The following ZNF41 variants were observed in gnomAD, a reference collection of about 807,000 sequenced individuals.
ZNF41 encodes the protein zinc finger protein 41.
Under a neutral mutation model 9.3 loss-of-function variants are expected in ZNF41, and 6 were observed. The ratio of observed to expected loss-of-function variants is 0.65; its 90% CI spans 0.35 to 1.28. The LOEUF (loss-of-function observed/expected upper bound fraction) is 1.28, where lower values mean the gene tolerates loss of function less well. ZNF41 is among the 50% of genes most tolerant of loss of function. The probability of loss-of-function intolerance (pLI) is 0.03; values close to 1 mark genes in which losing one functional copy is unlikely to be tolerated. For synonymous variants in ZNF41, 192 were observed against 207.1 expected, an observed-to-expected ratio of 0.93 and a Z score of 0.63; for missense variants, 523 against 585.8, an observed-to-expected ratio of 0.89 and a Z score of 1.11.
At chrX:47,482,458 C>A (rs1181475080) in intron 1 of ZNF41, 1 of 112,678 alleles carries the variant, frequency 8.9e-6, no homozygotes, top group Non-Finnish European at 1.9e-5. Flanking sequence ...GTTAAACTCA[C>A]TCCCAGAGCC....
chrX:47,450,748 C>A (rs932628515), intron 4 of ZNF41, among the ~76,000 whole-genome samples: 7 of 111,500 alleles, frequency 6.3e-5, no homozygotes, highest in African/African-American at 2.3e-4. Context: ...AGACAGTGGG[C>A]AAATGTCCTC....
intron 1 of ZNF41, among the ~76,000 whole-genome samples, chrX:47,480,583 T>A (rs779103591): frequency 9.1e-6 from 1 of 109,483 alleles, no homozygotes; most frequent in South Asian, 3.9e-4. Context: ...TTTTTAAAAA[T>A]CAAATGTGAA....
In ZNF41 at chrX:47,448,620, C is replaced by T; in HGVS notation, c.1150G>A (p.Glu384Lys). 3 of 1,211,682 alleles carry T rather than the reference C, an allele frequency of 2.5e-6. No individual in the cohort carries two copies. Among genetic ancestry groups the T allele is most frequent in the Non-Finnish European group, 3.3e-6 (3 of 895,550 alleles). ...AAGCCTTTTCCACATTCACTGCATT[C>T]ATAAGGTTTTTCTCCTGTATGAATT... ...LRIHTGEKPY[E>K]CSECGKGFSQ... is the part of the protein sequence containing the mutation. The change falls in exon 5 of 5, where the codon GAA (glutamate) becomes AAA (lysine). Residue 384 changes from glutamate (E) to lysine (K), a missense_variant. Coordinates refer to ENST00000684689, the MANE Select transcript of ZNF41 (RefSeq NM_001324144.2).
At chrX:47,478,877 T>G (rs776935665) in intron 1 of ZNF41, among the ~76,000 whole-genome samples, 1 of 110,380 alleles carries the variant, frequency 9.1e-6, no homozygotes, top group South Asian at 3.9e-4. Flanking sequence ...GCAGCTGCAG[T>G]GAACTGAGAT....
intron 1 of ZNF41, among the ~76,000 whole-genome samples, chrX:47,468,943 T>C (rs993678274): frequency 6.3e-5 from 7 of 111,423 alleles, no homozygotes; most frequent in Admixed American, 3.9e-4. Flanking sequence ...CTACAAATCA[T>C]TGAGACAGAA....
intron 4 of ZNF41, among the ~76,000 whole-genome samples, chrX:47,450,364 C>T (rs188441017): frequency 4.5e-5 from 5 of 110,654 alleles, no homozygotes. Flanking sequence ...GCATGCACCA[C>T]CACGCCCAGC....
At chrX:47,470,515 T>A (rs745762813) in intron 1 of ZNF41, among the ~76,000 whole-genome samples, 1 of 108,190 alleles carries the variant, frequency 9.2e-6, no homozygotes, top group South Asian at 4.0e-4. Flanking sequence ...TTACCTGAGG[T>A]CAGGAGTTTG....
chrX:47,479,550 G>A (rs2057418615), intron 1 of ZNF41, among the ~76,000 whole-genome samples: 1 of 111,138 alleles, frequency 9.0e-6, no homozygotes, highest in Non-Finnish European at 1.9e-5. Flanking sequence ...AAAAGTAAGA[G>A]ACTGTAAAAA....
chrX:47,475,708 G>A (rs1437062122), intron 1 of ZNF41, among the ~76,000 whole-genome samples: 1 of 111,714 alleles, frequency 9.0e-6, no homozygotes, highest in Non-Finnish European at 1.9e-5. Flanking sequence ...TATAGAAAGA[G>A]AAGAGCTCCT....
intron 1 of ZNF41, among the ~76,000 whole-genome samples, chrX:47,474,484 T>C (rs752564151): frequency 9.1e-6 from 1 of 110,076 alleles, no homozygotes; most frequent in South Asian, 3.8e-4. Context: ...AATCACAGAC[T>C]GTATGGTTCC....
In ZNF41 at chrX:47,447,375, C is replaced by G. The variant is rs901918215; in HGVS notation, c.*55G>C. The G allele has an allele frequency of 1.2e-5, 14 of 1,195,205 alleles. No individual in the cohort carries two copies. The highest frequency in any genetic ancestry group is 2.2e-5 in the Admixed American group (1 of 45,587). The stretch of plus-strand genomic sequence containing the variant: ...ATTGCAGCAACAGGCCTTCCTCCTC[C>G]CTGCTATTAGATACCTGATGCATAC... On this transcript the variant is annotated 3_prime_UTR_variant, in exon 5 of 5. Transcript: ENST00000684689.
intron 1 of ZNF41, among the ~76,000 whole-genome samples, chrX:47,469,033 C>CG (rs1481346490): frequency 9.0e-6 from 1 of 111,121 alleles, no homozygotes; most frequent in African/African-American, 3.3e-5. Flanking sequence ...CAATTTTAGC[C>CG]GGGCGCGGTG....
At chrX:47,480,744 A>C (rs1027613563) in intron 1 of ZNF41, among the ~76,000 whole-genome samples, 1 of 107,543 alleles carries the variant, frequency 9.3e-6, no homozygotes. Context: ...ATGGCCAATA[A>C]GAATGAAATA....
chrX:47,453,483 G>A (rs1602849304), intron 4 of ZNF41, among the ~76,000 whole-genome samples: 1 of 111,999 alleles, frequency 8.9e-6, no homozygotes. Context: ...TATCAGATAT[G>A]GTCAACATTA....
At chrX:47,481,316 A>G (rs2147865761) in intron 1 of ZNF41, among the ~76,000 whole-genome samples, 1 of 111,419 alleles carries the variant, frequency 9.0e-6, no homozygotes, top group East Asian at 2.8e-4. Context: ...GCCTGCCTGT[A>G]GTCCTAGCAA....
At position 47,446,216 on chromosome X, in the gene ZNF41, T is replaced by C. The variant is rs1249723461; in HGVS notation, c.*1214A>G. 2 of 111,528 alleles carry C rather than the reference T, an allele frequency of 1.8e-5. No homozygotes were observed. Among genetic ancestry groups the C allele is most frequent in the African/African-American group, 6.5e-5 (2 of 30,741 alleles). 9.2% of individuals were successfully genotyped at this position (111,528 alleles called of 1,213,427 possible). A position where few individuals can be genotyped will look rare whatever the true frequency, so the allele number is the denominator to read the frequency against. On this transcript the variant is annotated 3_prime_UTR_variant, in exon 5 of 5. Transcript: ENST00000684689. ...ATTGTAAAAAATGTTTAAGGGAAAA[T>C]GAGAACGTGTCTATATATCAGTGTT... is the stretch of plus-strand genomic sequence containing the variant.
chrX:47,465,235 T>C (rs1019693555), intron 2 of ZNF41, among the ~76,000 whole-genome samples: 1 of 112,468 alleles, frequency 8.9e-6, no homozygotes, highest in African/African-American at 3.2e-5. Flanking sequence ...TTAATCACAA[T>C]AGAAAACTTG....
At chrX:47,476,936 A>T (rs890667433) in intron 1 of ZNF41, 18 of 104,363 alleles carry the variant, frequency 1.7e-4, no homozygotes, top group Non-Finnish European at 2.4e-4. Flanking sequence ...GGTGCCTGTA[A>T]TCCTAGCTAC....
chrX:47,480,038 T>G, intron 1 of ZNF41, among the ~76,000 whole-genome samples: 2 of 110,013 alleles, frequency 1.8e-5, no homozygotes, highest in South Asian at 7.8e-4. Flanking sequence ...GAGGTCGCAG[T>G]GAGCCAAGAT....
Sources: allele counts gnomAD v4.1 joint callset (sites outside exome capture counted in the v4.1 genomes callset), GRCh38; gene constraint gnomAD v4.1.1; transcripts MANE v1.5; gene names NCBI Gene and HGNC (gene_info 2026-07-23, HGNC 2026-07-21).